PRXL2A: variants seen among roughly 807,000 people sequenced by gnomAD.
PRXL2A encodes the protein peroxiredoxin like 2A.
PRXL2A carries 26 observed loss-of-function variants against 25.6 expected under a neutral mutation model. That is an observed-to-expected ratio of 1.02 (90% CI 0.74 to 1.41). The LOEUF (loss-of-function observed/expected upper bound fraction) is 1.41, where lower values mean the gene tolerates loss of function less well. Ranked by LOEUF, PRXL2A falls within the 40% of genes most tolerant of loss-of-function variation. The pLI is 0.00. For synonymous variants in PRXL2A, 98 were observed against 102.9 expected, an observed-to-expected ratio of 0.95 and a Z score of 0.29; for missense variants, 246 against 273.9, an observed-to-expected ratio of 0.90 and a Z score of 0.72.
intron 5 of PRXL2A, among the ~76,000 whole-genome samples, chr10:80,428,689 G>A (rs141364116): frequency 1.3e-5 from 2 of 152,264 alleles, no homozygotes; most frequent in African/African-American, 4.8e-5. Flanking sequence ...GTGGATGAGG[G>A]AAGGGTATGG....
chr10:80,420,228 A>C (rs1053023784), intron 1 of PRXL2A: 1 of 1,184,716 alleles, frequency 8.4e-7, no homozygotes. Flanking sequence ...CTCTGTCATC[A>C]CTCCTGATGC....
intron 1 of PRXL2A, among the ~76,000 whole-genome samples, chr10:80,411,202 CTTG>C (rs1844467069): frequency 6.6e-6 from 1 of 152,206 alleles, no homozygotes; most frequent in Admixed American, 6.5e-5. Context: ...TGGACAGAGT[CTTG>C]TTATTGTGGG....
intron 5 of PRXL2A, among the ~76,000 whole-genome samples, chr10:80,429,604 C>T (rs561651276): frequency 8.3e-5 from 12 of 145,062 alleles, no homozygotes; most frequent in Admixed American, 2.7e-4. Flanking sequence ...CCTGCCCTGC[C>T]CTGCCCTGCC....
At chr10:80,420,099 T>C (rs1053054911) in intron 1 of PRXL2A, 1 of 989,892 alleles carries the variant, frequency 1.0e-6, no homozygotes, top group Non-Finnish European at 1.2e-6. Context: ...AGGAGGGGAA[T>C]GAGGAAGTAG....
chr10:80,427,011 C>T (rs1845062061), intron 4 of PRXL2A, among the ~76,000 whole-genome samples: 1 of 152,066 alleles, frequency 6.6e-6, no homozygotes, highest in Admixed American at 6.6e-5. Flanking sequence ...GGCATGGTGG[C>T]AGGCACTTGT....
In PRXL2A at chr10:80,434,460, G is replaced by T. The variant is rs1400109975; in HGVS notation, c.*2361G>T. 1 of 152,182 alleles carries T rather than the reference G, an allele frequency of 6.6e-6. No individual in the cohort carries two copies. The highest frequency in any genetic ancestry group is 1.5e-5 in the Non-Finnish European group (1 of 68,034). 9.4% of individuals were successfully genotyped at this position (152,182 alleles called of 1,614,324 possible). On this transcript the variant is annotated 3_prime_UTR_variant, in exon 6 of 6. Coordinates refer to ENST00000606162, the MANE Select transcript of PRXL2A (RefSeq NM_032333.5). ...CTGCTTCTCAGACTGTAATGTACATGCACATCACATAAGGACCTTATTAAA... is the reference window on the plus strand; with the variant it reads ...CTGCTTCTCAGACTGTAATGTACATTCACATCACATAAGGACCTTATTAAA...
chr10:80,431,819 A>G lies in PRXL2A; in HGVS notation c.577-167A>G, dbSNP rs780407313. Among the ~76,000 whole-genome samples the G allele has an allele frequency of 1.6e-4, 24 of 152,114 alleles. 1 individual carries two copies. The highest frequency in any genetic ancestry group is 3.1e-4 in the Non-Finnish European group (21 of 68,028). On this transcript the variant is annotated intron_variant, in intron 5 of 5. Transcript: ENST00000606162. ...AGATGGATGTGGCCTTCTCCGGTCT[A>G]TCTTCCCTCAAAGACTGAACTCCTT...
intron 1 of PRXL2A, among the ~76,000 whole-genome samples, chr10:80,419,245 A>G (rs1207708243): frequency 2.0e-5 from 3 of 151,070 alleles, no homozygotes; most frequent in Admixed American, 6.6e-5. Context: ...CGGCCTCCCA[A>G]AGTGCTGGGA....
intron 5 of PRXL2A, among the ~76,000 whole-genome samples, chr10:80,430,151 A>C (rs1481477365): frequency 1.7e-5 from 2 of 118,400 alleles, no homozygotes; most frequent in African/African-American, 6.7e-5. Flanking sequence ...CCCAGGCTGG[A>C]GTGCAATGGC....
chr10:80,420,279 T>C (rs1844818213), intron 1 of PRXL2A, 187 bp from the exon 2 acceptor site: 2 of 1,346,038 alleles, frequency 1.5e-6, no homozygotes, highest in East Asian at 2.9e-5. Flanking sequence ...ATGTGTGTGC[T>C]GCATCCCCAA....
Position 80,434,853 on chromosome 10 carries a change from G to C in PRXL2A, c.*2754G>C, listed in dbSNP as rs187909969. On this transcript the variant is annotated 3_prime_UTR_variant, in exon 6 of 6. Transcript: ENST00000606162. ...AGAAACACATTCCTGTGCAGCAGAA[G>C]ATACATATATCCCCCAAAGGGACAG... 1 of 152,246 alleles carries C rather than the reference G, an allele frequency of 6.6e-6. No homozygotes were observed. The highest frequency in any genetic ancestry group is 2.4e-5 in the African/African-American group (1 of 41,528). The allele number at this position is 152,246 out of a possible 1,614,324, so 9.4% of individuals were successfully genotyped here.
intron 1 of PRXL2A, among the ~76,000 whole-genome samples, chr10:80,414,708 A>G (rs1169248705): frequency 6.6e-6 from 1 of 152,168 alleles, no homozygotes; most frequent in South Asian, 2.1e-4. Flanking sequence ...GCTCTGTGAC[A>G]CAGGGAAGTT....
Position 80,433,293 on chromosome 10 carries a change from T to C in PRXL2A, c.*1194T>C, listed in dbSNP as rs2131922755. 6.6e-6 allele frequency: 1 copy of C among 152,370 alleles called. No homozygotes were observed. The highest frequency in any genetic ancestry group is 1.5e-5 in the Non-Finnish European group (1 of 68,038). The allele number at this position is 152,370 out of a possible 1,614,324, so 9.4% of individuals were successfully genotyped here. A position where few individuals can be genotyped will look rare whatever the true frequency, so the allele number is the denominator to read the frequency against. ...ATCAGAAGAAAGGACATAGAGATGA[T>C]GAAATATAACTTTATCTTTTTTGTT... On this transcript the variant is annotated 3_prime_UTR_variant, in exon 6 of 6. Coordinates refer to ENST00000606162, the MANE Select transcript of PRXL2A (RefSeq NM_032333.5).
intron 5 of PRXL2A, 32 bp downstream of exon 5, chr10:80,427,528 G>A: frequency 6.2e-7 from 1 of 1,611,696 alleles, no homozygotes; most frequent in South Asian, 1.1e-5. Flanking sequence ...GTGGTCTGTA[G>A]GTGTCTGTGT....
At chr10:80,420,767 A>C (rs1300243459) in intron 2 of PRXL2A, 122 bp downstream of exon 2, 4 of 716,238 alleles carry the variant, frequency 5.6e-6, no homozygotes. Flanking sequence ...ATTAGGAAAA[A>C]TTTAATAACA....
At chr10:80,409,491 T>C (rs2131871949) in intron 1 of PRXL2A, among the ~76,000 whole-genome samples, 1 of 152,318 alleles carries the variant, frequency 6.6e-6, no homozygotes, top group Non-Finnish European at 1.5e-5. Context: ...AGAACTCAGC[T>C]TTTTTGTTTG....
chr10:80,426,559 A>C (rs1845049651), intron 4 of PRXL2A, among the ~76,000 whole-genome samples: 1 of 152,170 alleles, frequency 6.6e-6, no homozygotes, highest in African/African-American at 2.4e-5. Flanking sequence ...TGTATTACTT[A>C]AGTCTTTCCT....
Position 80,422,498 on chromosome 10 carries a change from T to C in PRXL2A, c.260T>C (p.Leu87Pro), listed in dbSNP as rs1473578360. 16 of 1,613,870 alleles carry C rather than the reference T, an allele frequency of 9.9e-6. No homozygotes were observed. The highest frequency in any genetic ancestry group is 1.2e-5 in the Non-Finnish European group (14 of 1,179,762). ...IMAVRRPGCF[L>P]CREEAADLSS... ...GCCGTGCGGAGGCCAGGCTGTTTCC[T>C]CTGTCGAGAGGTGAGTGCAGATGAG... Residue 87 changes from leucine (L) to proline (P), a missense_variant, in exon 3 of 6, where the codon CTC (leucine) becomes CCC (proline). Leu to Pro is a moderately conservative substitution (Grantham distance 98). Transcript: ENST00000606162.
Position 80,434,194 on chromosome 10 carries a change from G to GT in PRXL2A, c.*2101dup, listed in dbSNP as rs1478604704. 2 of 152,120 alleles carry GT rather than the reference G, an allele frequency of 1.3e-5. No individual in the cohort carries two copies. The highest frequency in any genetic ancestry group is 3.9e-4 in the East Asian group (2 of 5,192). 9.4% of individuals were successfully genotyped at this position (152,120 alleles called of 1,614,324 possible). A position where few individuals can be genotyped will look rare whatever the true frequency, so the allele number is the denominator to read the frequency against. On this transcript the variant is annotated 3_prime_UTR_variant, in exon 6 of 6. Coordinates refer to ENST00000606162, the MANE Select transcript of PRXL2A (RefSeq NM_032333.5). ...AGATGCATCAAGAGAAACATGTTTG[G>GT]TTTTTTGTGAGCTCTCACCAACTTT...
Sources: gnomAD v4.1 joint callset for allele counts (sites outside exome capture counted in the v4.1 genomes callset) on GRCh38, gnomAD v4.1.1 for gene constraint, MANE v1.5 for transcripts, NCBI Gene and HGNC (gene_info 2026-07-23, HGNC 2026-07-21) for gene names.